NTM: variants seen among roughly 807,000 people sequenced by gnomAD.
NTM encodes IgLON family member 2.
Under a neutral mutation model 42.1 loss-of-function variants are expected in NTM, and 13 were observed. The ratio of observed to expected loss-of-function variants is 0.31; its 90% CI spans 0.20 to 0.49. The LOEUF (loss-of-function observed/expected upper bound fraction) is 0.49. Ranked by LOEUF, NTM falls within the 20% of genes least tolerant of loss-of-function variation. The pLI is 0.99. For synonymous variants in NTM, 187 were observed against 179.2 expected, an observed-to-expected ratio of 1.04 and a Z score of -0.35; for missense variants, 373 against 452.8, an observed-to-expected ratio of 0.82 and a Z score of 1.60.
At chr11:131,886,919 A>G (rs933139376) in intron 1 of NTM, among the ~76,000 whole-genome samples, 7 of 152,158 alleles carry the variant, frequency 4.6e-5, no homozygotes, top group African/African-American at 1.2e-4. Context: ...TGTTCTGTGC[A>G]TTGTCTCATT....
rs1006735149 is a variant in NTM, at chr11:132,017,033, A to C, written c.167+105385A>C. On this transcript the variant is annotated intron_variant, in intron 2 of 8. Coordinates refer to ENST00000683400, the MANE Select transcript of NTM (RefSeq NM_001352005.2). Reference sequence around the variant, plus strand: ...GTAAGAATTTTTATATATTCTGGACACAAATCCTTTATTAGCTGTATGATT... The same window carrying C: ...GTAAGAATTTTTATATATTCTGGACCCAAATCCTTTATTAGCTGTATGATT... 4.6e-5 allele frequency among the ~76,000 whole-genome samples: 7 copies of C among 152,096 alleles called. No individual in the cohort carries two copies. In the South Asian group the frequency reaches 8.3e-4, roughly 18 times the overall value.
chr11:132,321,117 G>A (rs529988894), intron 7 of NTM, among the ~76,000 whole-genome samples: 54 of 152,302 alleles, frequency 3.5e-4, no homozygotes, highest in Middle Eastern at 6.8e-3. Flanking sequence ...AAAGCTGAGC[G>A]CCTCTCCTCC....
intron 1 of NTM, among the ~76,000 whole-genome samples, chr11:131,880,640 G>A (rs1049898475): frequency 1.8e-4 from 28 of 152,112 alleles, no homozygotes; most frequent in African/African-American, 6.5e-4. Context: ...AGGGTCACAG[G>A]GCTAACCCAC....
chr11:131,577,011 G>A (rs1228035217), intron 1 of NTM, among the ~76,000 whole-genome samples: 1 of 152,202 alleles, frequency 6.6e-6, no homozygotes, highest in Non-Finnish European at 1.5e-5. Context: ...CTAAGATAAA[G>A]TCATGTGGTA....
chr11:132,212,093 A>G lies in NTM; in HGVS notation c.472A>G (p.Ile158Val), dbSNP rs752502953. ...AGGGAACAATATTAGCCTCACCTGC[A>G]TAGCAACTGGTAGACCAGAGCCTAC... is the stretch of plus-strand genomic sequence containing the variant. Reference protein sequence around the residue: ...NEGNNISLTCIATGRPEPTVT... With the variant: ...NEGNNISLTCVATGRPEPTVT... The change falls in exon 4 of 9, where the codon ATA (isoleucine) becomes GTA (valine). Residue 158 changes from isoleucine (I) to valine (V), a missense_variant. Physicochemically the swap from Ile to Val is conservative, Grantham distance 29. Transcript: ENST00000683400. The G allele has an allele frequency of 8.1e-6, 13 of 1,613,950 alleles. No individual in the cohort carries two copies. The highest frequency in any genetic ancestry group is 3.3e-4 in the Middle Eastern group (2 of 6,060).
intron 2 of NTM, among the ~76,000 whole-genome samples, chr11:132,122,599 C>T (rs1307572843): frequency 6.6e-6 from 1 of 152,118 alleles, no homozygotes; most frequent in Non-Finnish European, 1.5e-5. Context: ...AAAGTGGTGC[C>T]TTTGGTCTGA....
Position 132,222,639 on chromosome 11 carries a change from G to A in NTM, c.526+10492G>A, listed in dbSNP as rs574334330. 8.5e-5 allele frequency among the ~76,000 whole-genome samples: 13 copies of A among 152,224 alleles called. No individual in the cohort carries two copies. The East Asian group carries it at 1.5e-3, about 18-fold the overall frequency. On this transcript the variant is annotated intron_variant, in intron 4 of 8. Transcript: ENST00000683400. ...GCTCTCCAAATACCATGGCACAGCC[G>A]CAGCCTGCCTTTTGCACTAGAACCC...
intron 1 of NTM, among the ~76,000 whole-genome samples, chr11:131,830,702 G>GA (rs1184069417): frequency 6.6e-6 from 1 of 152,162 alleles, no homozygotes; most frequent in Non-Finnish European, 1.5e-5. Context: ...CTCATTCTGT[G>GA]AAAAATGACA....
chr11:132,028,151 T>C (rs574376116), intron 2 of NTM, among the ~76,000 whole-genome samples: 27 of 152,232 alleles, frequency 1.8e-4, no homozygotes, highest in African/African-American at 6.5e-4. Flanking sequence ...TCTTAGCATA[T>C]TATTCATAGT....
At chr11:131,544,893 G>T (rs2053727804) in intron 1 of NTM, among the ~76,000 whole-genome samples, 1 of 152,128 alleles carries the variant, frequency 6.6e-6, no homozygotes, top group African/African-American at 2.4e-5. Flanking sequence ...TGAGGAATAG[G>T]ACAGGCCACG....
chr11:132,031,442 T>C (rs1175172286), intron 2 of NTM, among the ~76,000 whole-genome samples: 3 of 152,104 alleles, frequency 2.0e-5, no homozygotes, highest in Admixed American at 6.5e-5. Context: ...GACCATGGTG[T>C]AGGAGTGGGG....
intron 4 of NTM, among the ~76,000 whole-genome samples, chr11:132,277,554 G>T (rs956584219): frequency 1.3e-5 from 2 of 152,042 alleles, no homozygotes; most frequent in Non-Finnish European, 2.9e-5. Context: ...CACAGAGTTG[G>T]TTCTCAAAAA....
At position 131,579,269 on chromosome 11, in the gene NTM, CAGAG is replaced by C. The variant is rs549441459; in HGVS notation, c.82+208385_82+208388del. Among the ~76,000 whole-genome samples the C allele has an allele frequency of 1.1e-4, 17 of 152,246 alleles. No individual in the cohort carries two copies. The East Asian group carries it at 2.5e-3, about 22-fold the overall frequency. ...GTCATAGCAGGGCAGCAAAAGAAGA[CAGAG>C]AGAAAACAAAACAAAGCAAAACAAA... is the stretch of plus-strand genomic sequence containing the variant. On this transcript the variant is annotated intron_variant, in intron 1 of 8. Coordinates refer to ENST00000683400, the MANE Select transcript of NTM (RefSeq NM_001352005.2).
At chr11:131,410,007 TG>T (rs1946203513) in intron 1 of NTM, among the ~76,000 whole-genome samples, 1 of 152,018 alleles carries the variant, frequency 6.6e-6, no homozygotes, top group African/African-American at 2.4e-5. Context: ...GAAGAGGGCC[TG>T]GGAGTCAGGA....
intron 1 of NTM, among the ~76,000 whole-genome samples, chr11:131,692,926 C>A (rs566311408): frequency 2.6e-5 from 4 of 152,278 alleles, no homozygotes; most frequent in African/African-American, 9.6e-5. Context: ...AGAAATCGCA[C>A]GGCAGGTCAT....
chr11:132,042,673 G>T (rs79043385), intron 2 of NTM, among the ~76,000 whole-genome samples: 1 of 152,288 alleles, frequency 6.6e-6, no homozygotes, highest in East Asian at 1.9e-4. Flanking sequence ...TCAGAAGCTC[G>T]CAGACATCAT....
intron 1 of NTM, among the ~76,000 whole-genome samples, chr11:131,394,102 G>C (rs925468756): frequency 6.6e-6 from 1 of 152,202 alleles, no homozygotes; most frequent in African/African-American, 2.4e-5. Flanking sequence ...CTTTCAACAC[G>C]ATTTTCCAAT....
At chr11:131,967,077 A>G (rs1283631880) in intron 2 of NTM, among the ~76,000 whole-genome samples, 1 of 152,172 alleles carries the variant, frequency 6.6e-6, no homozygotes, top group Non-Finnish European at 1.5e-5. Flanking sequence ...TTGCTGGAAA[A>G]GATCAGGAGT....
At chr11:132,143,143 C>G (rs78596907) in intron 2 of NTM, among the ~76,000 whole-genome samples, 2,190 of 152,244 alleles carry the variant, frequency 0.014, 63 homozygotes, top group African/African-American at 0.05. Context: ...TATCAGAAAA[C>G]TGTTTCATAC....
Sources: gnomAD v4.1 joint callset for allele counts (sites outside exome capture counted in the v4.1 genomes callset) on GRCh38, gnomAD v4.1.1 for gene constraint, MANE v1.5 for transcripts, NCBI Gene and HGNC (gene_info 2026-07-23, HGNC 2026-07-21) for gene names.